The following GLT8D2 variants were observed in gnomAD, a reference collection of about 807,000 sequenced individuals.
GLT8D2 encodes glycosyltransferase 8 domain containing 2, also known as glycosyltransferase 8 domain-containing protein 2.
Under a neutral mutation model 44.5 loss-of-function variants are expected in GLT8D2, and 45 were observed. The observed-to-expected ratio is 1.01, with a 90% CI of 0.80 to 1.30. The LOEUF is 1.30. Ranked by LOEUF, GLT8D2 falls within the 50% of genes most tolerant of loss-of-function variation. The pLI, the probability that GLT8D2 is intolerant of heterozygous loss-of-function variation, is 0.00. For synonymous variants in GLT8D2, 156 were observed against 157.2 expected (o/e 0.99, Z 0.06); for missense variants, 400 against 430.4 (o/e 0.93, Z 0.62).
At chr12:104,042,942 T>A (rs1222524399) in intron 1 of GLT8D2, among the ~76,000 whole-genome samples, 1 of 152,164 alleles carries the variant, frequency 6.6e-6, no homozygotes, top group Non-Finnish European at 1.5e-5. Flanking sequence ...GAAACTGGAA[T>A]GGGGCAGAGT....
intron 4 of GLT8D2, chr12:104,012,532 T>G (rs1876000882): frequency 3.0e-6 from 1 of 338,178 alleles, no homozygotes; most frequent in African/African-American, 2.1e-5. Flanking sequence ...AGGGAGTCTG[T>G]GGTGGGATTA....
chr12:104,014,885 C>T, intron 4 of GLT8D2, 128 bp downstream of exon 4: 1 of 642,638 alleles, frequency 1.6e-6, no homozygotes. Context: ...GGATATTCTA[C>T]TAGCAGGTCC....
chr12:104,041,149 C>G (rs780128246), intron 1 of GLT8D2, among the ~76,000 whole-genome samples: 10 of 152,130 alleles, frequency 6.6e-5, no homozygotes. Flanking sequence ...CGTGGTGGCT[C>G]ACCCCTGTAA....
intron 5 of GLT8D2, among the ~76,000 whole-genome samples, chr12:104,001,280 G>A (rs1479069507): frequency 3.9e-5 from 6 of 152,140 alleles, no homozygotes; most frequent in Admixed American, 3.9e-4. Flanking sequence ...TCTTCCATTG[G>A]TGGACATTTC....
At chr12:104,010,084 T>C (rs138505084) in intron 4 of GLT8D2, among the ~76,000 whole-genome samples, 110 of 152,296 alleles carry the variant, frequency 7.2e-4, no homozygotes, top group Middle Eastern at 3.4e-3. Flanking sequence ...TATGGAGGTA[T>C]CATGTGATAT....
intron 10 of GLT8D2, among the ~76,000 whole-genome samples, chr12:103,991,340 C>A (rs983021301): frequency 1.3e-5 from 2 of 152,116 alleles, no homozygotes; most frequent in Non-Finnish European, 2.9e-5. Context: ...GTGTGTGCCA[C>A]CATGCCCAGC....
chr12:104,002,817 C>A (rs115920999), intron 5 of GLT8D2, among the ~76,000 whole-genome samples: 5,882 of 152,052 alleles, frequency 0.039, 196 homozygotes, highest in South Asian at 0.1. Flanking sequence ...TGGTAGCATG[C>A]ACTTGTAGTC....
At chr12:104,001,665 T>G (rs1456756097) in intron 5 of GLT8D2, among the ~76,000 whole-genome samples, 1 of 150,672 alleles carries the variant, frequency 6.6e-6, no homozygotes, top group Non-Finnish European at 1.5e-5. Flanking sequence ...CATTTTCCTA[T>G]TAATAACACA....
At chr12:104,042,917 G>A (rs73177964) in intron 1 of GLT8D2, among the ~76,000 whole-genome samples, 5,415 of 152,298 alleles carry the variant, frequency 0.036, 170 homozygotes, top group Admixed American at 0.078. Flanking sequence ...AAAAGGCAGA[G>A]ATCTGGAACC....
chr12:104,009,521 G>T (rs1875537607), intron 4 of GLT8D2, among the ~76,000 whole-genome samples: 1 of 152,198 alleles, frequency 6.6e-6, no homozygotes, highest in Admixed American at 6.5e-5. Context: ...TGTTTCAGAT[G>T]GGACTTTGGA....
In GLT8D2 at chr12:103,989,564, A is replaced by G. The variant is rs374206216; in HGVS notation, c.894T>C (p.Asp298=). The change falls in exon 11 of 11, where the codon GAT becomes GAC. Residue 298 remains aspartate, a synonymous_variant. Transcript: ENST00000360814. ...WHIRHLGWNP[D]ARYSEHFLQE... is the part of the protein sequence containing the mutation. ...GCAGAAAATGCTCCGAATATCTGGC[A>G]TCTGGATTCCAGCCTTCATTGTGTA... The G allele has an allele frequency of 4.3e-6, 7 of 1,612,218 alleles. No individual in the cohort carries two copies. Among genetic ancestry groups the G allele is most frequent in the Non-Finnish European group, 5.9e-6 (7 of 1,179,272 alleles).
intron 1 of GLT8D2, among the ~76,000 whole-genome samples, chr12:104,060,517 G>T (rs577256009): frequency 6.6e-6 from 1 of 152,222 alleles, no homozygotes; most frequent in East Asian, 1.9e-4. Context: ...GCCTTAACCC[G>T]CTGTACCTAT....
At chr12:104,033,681 T>C (rs1879591955) in intron 1 of GLT8D2, among the ~76,000 whole-genome samples, 1 of 152,088 alleles carries the variant, frequency 6.6e-6, no homozygotes. Context: ...GGCAACTACG[T>C]GAGGGTGATG....
intron 4 of GLT8D2, among the ~76,000 whole-genome samples, chr12:104,011,512 A>C (rs1357342953): frequency 6.6e-6 from 1 of 152,120 alleles, no homozygotes; most frequent in Non-Finnish European, 1.5e-5. Flanking sequence ...ACCTCTCCCC[A>C]AGTGGGACAG....
intron 6 of GLT8D2, among the ~76,000 whole-genome samples, chr12:103,997,793 C>G (rs1346466613): frequency 6.6e-6 from 1 of 152,102 alleles, no homozygotes; most frequent in Non-Finnish European, 1.5e-5. Flanking sequence ...TTGCCACTTT[C>G]ATCTCTGCGA....
intron 8 of GLT8D2, among the ~76,000 whole-genome samples, chr12:103,996,350 T>C (rs1405576913): frequency 6.6e-6 from 1 of 152,170 alleles, no homozygotes; most frequent in Non-Finnish European, 1.5e-5. Context: ...ACAGAAAACA[T>C]CATCTCTGAC....
upstream of GLT8D2, among the ~76,000 whole-genome samples, chr12:104,053,996 CTG>C (rs1881953826): frequency 1.3e-5 from 2 of 151,990 alleles, no homozygotes; most frequent in South Asian, 2.1e-4. Flanking sequence ...CTGAGAAAGA[CTG>C]AATACATTCA....
At chr12:104,048,295 C>A (rs1033211346) in intron 1 of GLT8D2, among the ~76,000 whole-genome samples, 8 of 152,178 alleles carry the variant, frequency 5.3e-5, no homozygotes, top group Admixed American at 3.9e-4. Flanking sequence ...GTTCAGCGAT[C>A]AACTGTTTGG....
chr12:104,007,167 GAAT>G (rs902033089), intron 4 of GLT8D2, among the ~76,000 whole-genome samples: 5 of 147,944 alleles, frequency 3.4e-5, no homozygotes, highest in African/African-American at 9.9e-5. Context: ...CCATGGAGAA[GAAT>G]AATGATCCAT....
Sources: gnomAD v4.1 joint callset for allele counts (sites outside exome capture counted in the v4.1 genomes callset) on GRCh38, gnomAD v4.1.1 for gene constraint, MANE v1.5 for transcripts, NCBI Gene and HGNC (gene_info 2026-07-23, HGNC 2026-07-21) for gene names.